Variants in RNF123 observed in about 807,000 individuals in gnomAD.
The protein encoded by RNF123 is ring finger protein 123.
Under a neutral mutation model 168.5 loss-of-function variants are expected in RNF123, and 86 were observed. That is an observed-to-expected ratio of 0.51 (90% confidence interval 0.43 to 0.61). The LOEUF is 0.61. Among genes scored for constraint, RNF123 ranks in the 20% least tolerant of loss-of-function variants. RNF123 has a pLI of 0.00. For missense variants in RNF123, 1,419 were observed against 1,729.7 expected (o/e 0.82, Z 3.19); for synonymous variants, 666 against 689.1 (o/e 0.97, Z 0.52).
chr3:49,705,712 G>A (rs141355511), intron 24 of RNF123, 33 bp downstream of exon 24: 38 of 1,613,520 alleles, frequency 2.4e-5, no homozygotes, highest in East Asian at 8.9e-5. Context: ...ATTGGGTGGC[G>A]GGTGTTGTGC....
At position 49,700,472 on chromosome 3, in the gene RNF123, G is replaced by A. The variant is rs1300610597; in HGVS notation, c.1111G>A (p.Asp371Asn). ...VLDLLWLFME[D>N]YEVQDCLKQL... Reference sequence around the variant, plus strand: ...GCTGCCTTGGCATCTCTTCCCCCAGGACTACGAGGTACAAGATTGCCTCAA... The same window carrying A: ...GCTGCCTTGGCATCTCTTCCCCCAGAACTACGAGGTACAAGATTGCCTCAA... Residue 371 changes from aspartate (D) to asparagine (N), a missense_variant and splice_region_variant, in exon 14 of 39, where the codon GAC becomes AAC. By Grantham distance (23) the Asp-to-Asn change is conservative. Around this residue, in one of 5 missense-constraint regions of RNF123, gnomAD observed 349 missense variants for 344.9 expected, o/e 1.01. Transcript: ENST00000327697. 6.2e-7 allele frequency: 1 copy of A among 1,614,026 alleles called. No homozygotes were observed. The highest frequency in any genetic ancestry group is 8.5e-7 in the Non-Finnish European group (1 of 1,179,894).
chr3:49,718,464 G>A (rs2080301926), intron 35 of RNF123: 2 of 1,612,882 alleles, frequency 1.2e-6, no homozygotes, highest in Non-Finnish European at 1.7e-6. Flanking sequence ...CCAAGCTGCC[G>A]TCGGCCAGCA....
At chr3:49,719,417 C>T (rs1405723237) in intron 35 of RNF123, 2 of 1,613,602 alleles carry the variant, frequency 1.2e-6, no homozygotes, top group South Asian at 2.2e-5. Context: ...GTGCCTAACC[C>T]AACGCGCAGC....
chr3:49,705,007 T>TG lies in RNF123; in HGVS notation c.1989dup (p.Pro664AlafsTer55), dbSNP rs35072697. 1.9e-6 allele frequency: 3 copies of TG among 1,607,770 alleles called. No homozygotes were observed. The highest frequency in any genetic ancestry group is 2.5e-6 in the Non-Finnish European group (3 of 1,178,186). On this transcript the variant is annotated frameshift_variant, in exon 23 of 39. Transcript: ENST00000327697. LOFTEE classifies it high-confidence loss of function. Reference sequence around the variant, plus strand: ...AGCGCCCCATGCAGGCCCTGGCTGTTGGGGGGCCACTGCCCCTGCCCCGGC... The same window carrying TG: ...AGCGCCCCATGCAGGCCCTGGCTGTTGGGGGGGCCACTGCCCCTGCCCCGGC...
At chr3:49,695,628 G>A (rs1278476645) in intron 3 of RNF123, among the ~76,000 whole-genome samples, 1 of 152,230 alleles carries the variant, frequency 6.6e-6, no homozygotes, top group Non-Finnish European at 1.5e-5. Flanking sequence ...CCCTGAGCCT[G>A]GGTAGTGGCT....
rs764620381 is a variant in RNF123 at position 49,698,128 on chromosome 3, C to G, written c.474C>G (p.Phe158Leu). ...GCTGGTGCACCATCAGCTGCCGCTT[C>G]AACCAGGAGGTACACGTTGGGGAGG... ...QIGWCTISCR[F>L]NQEEGVGDTH... The change falls in exon 7 of 39, where the codon TTC (phenylalanine) becomes TTG (leucine). Residue 158 changes from phenylalanine to leucine, a missense_variant. By Grantham distance (22) the Phe-to-Leu change is conservative. This residue lies in a region of RNF123 where 318 missense variants were observed against 446.6 expected (regional missense o/e 0.71). Transcript: ENST00000327697. The G allele has an allele frequency of 1.2e-6, 2 of 1,613,636 alleles. No individual in the cohort carries two copies.
In RNF123 at chr3:49,718,440, T is replaced by G. The variant is rs199670077; in HGVS notation, c.3500+1963T>G. On this transcript the variant is annotated intron_variant, in intron 35 of 38. Coordinates refer to ENST00000327697, the MANE Select transcript of RNF123 (RefSeq NM_022064.5). ...CGAAGAGTCCCGCATGCTGCTCCTG[T>G]ACGTTGCCTATGGCCAAGCTGCCGT... 3 of 1,612,982 alleles carry G rather than the reference T, an allele frequency of 1.9e-6. No homozygotes were observed. The South Asian group carries it at 3.3e-5, about 18-fold the overall frequency.
At chr3:49,697,061 C>T in intron 3 of RNF123, 82 bp from the exon 4 acceptor site, 1 of 1,207,690 alleles carries the variant, frequency 8.3e-7, no homozygotes, top group Non-Finnish European at 1.2e-6. Flanking sequence ...CCCCTGTGAG[C>T]TCAGGGGAAA....
intron 20 of RNF123, 86 bp from the exon 21 acceptor site, chr3:49,703,341 G>A: frequency 9.0e-7 from 1 of 1,112,836 alleles, no homozygotes; most frequent in Non-Finnish European, 1.3e-6. Context: ...CCCAGGCTGT[G>A]CTAGGCCAGA....
chr3:49,703,953 A>G (rs1037979538), intron 21 of RNF123, among the ~76,000 whole-genome samples: 2 of 152,294 alleles, frequency 1.3e-5, no homozygotes, highest in Middle Eastern at 3.4e-3. Flanking sequence ...GCTGAGAGAC[A>G]GGGAGCCCAG....
At chr3:49,707,209 G>C (rs1326192594) in intron 26 of RNF123, among the ~76,000 whole-genome samples, 1 of 148,986 alleles carries the variant, frequency 6.7e-6, no homozygotes, top group Admixed American at 6.8e-5. Flanking sequence ...CTCTCCCAGT[G>C]CATCAGGGGC....
rs779507285 is a variant in RNF123 at position 49,700,559 on chromosome 3, C to G, written c.1198C>G (p.Leu400Val). Residue 400 changes from leucine to valine, a missense_variant, in exon 14 of 39, where the codon CTA becomes GTA. Leu to Val is a conservative substitution (Grantham distance 32). Transcript: ENST00000327697. ...RFSPIVPDLG[L>V]QIHYLRLTIA... is the part of the protein sequence containing the mutation. The stretch of plus-strand genomic sequence containing the variant: ...CTCACCCATTGTCCCAGACCTGGGC[C>G]TACAGGTGGGAGCCCCTACCCCTGC... 1.2e-6 allele frequency: 2 copies of G among 1,614,208 alleles called. No homozygotes were observed. The highest frequency in any genetic ancestry group is 1.7e-6 in the Non-Finnish European group (2 of 1,180,024).
chr3:49,718,209 C>CCAGCGGCGG lies in RNF123; in HGVS notation c.3500+1740_3500+1748dup, dbSNP rs543098573. The CCAGCGGCGG allele has an allele frequency of 1.4e-3, 2,179 of 1,612,336 alleles. 8 individuals are homozygous for CCAGCGGCGG. The African/African-American group carries it at 0.014, about 10-fold the overall frequency. On this transcript the variant is annotated intron_variant, in intron 35 of 38. Coordinates refer to ENST00000327697, the MANE Select transcript of RNF123 (RefSeq NM_022064.5). The stretch of plus-strand genomic sequence containing the variant: ...CTTGGAGCGGGCTGGGTGTTTGGGG[C>CCAGCGGCGG]CAGCGGCGGCAGCGGCAGGCACGGC...
chr3:49,698,256 C>T (rs2054307642), intron 7 of RNF123, 119 bp downstream of exon 7: 1 of 1,019,604 alleles, frequency 9.8e-7, no homozygotes, highest in Non-Finnish European at 1.5e-6. Context: ...CTGGACTGCC[C>T]TCTGGAGAAG....
chr3:49,718,905 A>G lies in RNF123; in HGVS notation c.3501-1606A>G, dbSNP rs2080317065. ...CCAGCCGGTTGGAGGAGAGGTCCAG[A>G]GTAAGCAGGTGGGTGGCGCTCAGAC... On this transcript the variant is annotated intron_variant, in intron 35 of 38. Coordinates refer to ENST00000327697, the MANE Select transcript of RNF123 (RefSeq NM_022064.5). 6 of 1,613,586 alleles carry G rather than the reference A, an allele frequency of 3.7e-6. No homozygotes were observed. The Admixed American group carries it at 5.0e-5, about 13-fold the overall frequency.
At chr3:49,701,682 C>A (rs2054391106) in intron 16 of RNF123, 74 bp downstream of exon 16, 4 of 1,481,192 alleles carry the variant, frequency 2.7e-6, no homozygotes, top group Non-Finnish European at 3.8e-6. Flanking sequence ...CACTGGGCAT[C>A]TAGCATGAGG....
chr3:49,704,709 A>T lies in RNF123; in HGVS notation c.1912A>T (p.Met638Leu). The T allele has an allele frequency of 6.2e-7, 1 of 1,603,418 alleles. No individual in the cohort carries two copies. Residue 638 changes from methionine (M) to leucine (L), a missense_variant, in exon 22 of 39, where the codon ATG (methionine) becomes TTG (leucine). Physicochemically the swap from Met to Leu is conservative, Grantham distance 15. Transcript: ENST00000327697. ...IDPLELQSTA[M>L]DDLDEDEEPA... The stretch of plus-strand genomic sequence containing the variant: ...CCCACTGGAGCTCCAGTCAACCGCC[A>T]TGGATGACCTAGATGAGGATGAGGA...
In RNF123 at chr3:49,699,256, T is replaced by G; in HGVS notation, c.764+151T>G. ...GGCCATGTAGAGTGTCGAAGAAAAC[T>G]TTCCTCGCAGCAGCCTGGTTGGTTG... On this transcript the variant is annotated intron_variant, in intron 10 of 38. Coordinates refer to ENST00000327697, the MANE Select transcript of RNF123 (RefSeq NM_022064.5). The surrounding 1 kb of genome is among the most constrained non-coding windows in gnomAD (Gnocchi z 4.8). 8.3e-7 allele frequency: 1 copy of G among 1,198,874 alleles called. No individual in the cohort carries two copies. Among genetic ancestry groups the G allele is most frequent in the Non-Finnish European group, 1.2e-6 (1 of 867,530 alleles). 74.3% of individuals were successfully genotyped at this position (1,198,874 alleles called of 1,614,324 possible).
In RNF123 at chr3:49,713,622, G is replaced by A. The variant is rs776106751; in HGVS notation, c.2749+35G>A. 13 of 1,600,850 alleles carry A rather than the reference G, an allele frequency of 8.1e-6. No homozygotes were observed. In the East Asian group the frequency reaches 2.9e-4, roughly 36 times the overall value. On this transcript the variant is annotated intron_variant, in intron 28 of 38. Coordinates refer to ENST00000327697, the MANE Select transcript of RNF123 (RefSeq NM_022064.5). The stretch of plus-strand genomic sequence containing the variant: ...CCCTACAGAGGGTACAGGGGGAGGG[G>A]GATGGGATGGCACCTCTGGTCGGCT...
Sources: allele counts gnomAD v4.1 joint callset (sites outside exome capture counted in the v4.1 genomes callset), GRCh38; gene constraint gnomAD v4.1.1; regional missense constraint gnomAD v4.1.1; non-coding constraint Gnocchi (gnomAD v3.1); transcripts MANE v1.5; gene names NCBI Gene and HGNC (gene_info 2026-07-23, HGNC 2026-07-21).